ARFGEF1: variants seen among roughly 807,000 people sequenced by gnomAD.
The protein encoded by ARFGEF1 is brefeldin A-inhibited guanine nucleotide-exchange protein 1.
ARFGEF1 carries 42 observed loss-of-function variants against 231.0 expected under a neutral mutation model. The observed-to-expected ratio is 0.18, with a 90% CI of 0.14 to 0.24. The LOEUF (loss-of-function observed/expected upper bound fraction) is 0.24, where lower values mean the gene tolerates loss of function less well. ARFGEF1 is among the 10% of genes least tolerant of loss of function. The pLI, the probability that ARFGEF1 is intolerant of heterozygous loss-of-function variation, is 1.00. For missense variants in ARFGEF1, 1,345 were observed against 2,192.0 expected, an observed-to-expected ratio of 0.61 and a Z score of 7.72; for synonymous variants, 710 against 732.3, an observed-to-expected ratio of 0.97 and a Z score of 0.49.
intron 1 of ARFGEF1, among the ~76,000 whole-genome samples, chr8:67,309,861 A>C (rs1476531741): frequency 6.6e-6 from 1 of 152,204 alleles, no homozygotes; most frequent in East Asian, 1.9e-4. Context: ...TATGTTATGA[A>C]AATAAAAAAT....
intron 19 of ARFGEF1, among the ~76,000 whole-genome samples, chr8:67,240,934 G>A (rs535851317): frequency 1.3e-5 from 2 of 152,160 alleles, no homozygotes; most frequent in East Asian, 1.9e-4. Flanking sequence ...CAAAAAAGAC[G>A]CTACTTTTTG....
Position 67,220,170 on chromosome 8 carries a change from T to C in ARFGEF1, c.4209-610A>G, listed in dbSNP as rs574441710. 7.2e-5 allele frequency among the ~76,000 whole-genome samples: 11 copies of C among 152,382 alleles called. No individual in the cohort carries two copies. In the South Asian group the frequency reaches 2.3e-3, roughly 32 times the overall value. On this transcript the variant is annotated intron_variant, in intron 29 of 38. Coordinates refer to ENST00000262215, the MANE Select transcript of ARFGEF1 (RefSeq NM_006421.5). Reference sequence around the variant, plus strand: ...AATATTTGCTGAATAAATTGCTTAGTATCAGATGGACTAGCTTTTGAGTAA... The same window carrying C: ...AATATTTGCTGAATAAATTGCTTAGCATCAGATGGACTAGCTTTTGAGTAA...
chr8:67,319,074 TA>T (rs1479233224), intron 1 of ARFGEF1, among the ~76,000 whole-genome samples: 2 of 152,116 alleles, frequency 1.3e-5, no homozygotes. Context: ...GAAATGCTGA[TA>T]AAAAGATCAA....
At chr8:67,241,693 G>A (rs1202005664) in intron 19 of ARFGEF1, among the ~76,000 whole-genome samples, 1 of 151,792 alleles carries the variant, frequency 6.6e-6, no homozygotes. Flanking sequence ...CCCCCATGCA[G>A]GAACACCAAA....
chr8:67,224,626 C>T (rs951792393), intron 29 of ARFGEF1, among the ~76,000 whole-genome samples: 14 of 151,906 alleles, frequency 9.2e-5, no homozygotes, highest in African/African-American at 2.9e-4. Context: ...TATGAAAAGA[C>T]GGAATGTTTA....
At chr8:67,288,338 C>A (rs1218060807) in intron 6 of ARFGEF1, among the ~76,000 whole-genome samples, 3 of 149,696 alleles carry the variant, frequency 2.0e-5, no homozygotes, top group African/African-American at 7.7e-5. Flanking sequence ...CTTTAAGTAC[C>A]AAAACTTCAA....
intron 37 of ARFGEF1, among the ~76,000 whole-genome samples, chr8:67,201,234 C>G (rs1838316307): frequency 6.6e-6 from 1 of 152,140 alleles, no homozygotes; most frequent in African/African-American, 2.4e-5. Context: ...TATCATAGTT[C>G]ACAGTTTTAA....
chr8:67,310,162 A>T (rs1806931803), intron 1 of ARFGEF1, among the ~76,000 whole-genome samples: 2 of 151,952 alleles, frequency 1.3e-5, no homozygotes, highest in African/African-American at 2.4e-5. Context: ...TGCGGAGCCG[A>T]AGCTGGACTG....
chr8:67,331,933 AAG>A (rs1236435518), intron 1 of ARFGEF1, among the ~76,000 whole-genome samples: 3 of 152,190 alleles, frequency 2.0e-5, no homozygotes, highest in Non-Finnish European at 2.9e-5. Flanking sequence ...TCAAAATCTT[AAG>A]AGTTTATTTT....
At chr8:67,330,150 T>C (rs1020622505) in intron 1 of ARFGEF1, among the ~76,000 whole-genome samples, 1 of 152,134 alleles carries the variant, frequency 6.6e-6, no homozygotes, top group Non-Finnish European at 1.5e-5. Context: ...CCTAACATTT[T>C]CTTAGAGAAA....
chr8:67,255,261 A>G (rs1192020727), intron 17 of ARFGEF1, among the ~76,000 whole-genome samples: 1 of 152,096 alleles, frequency 6.6e-6, no homozygotes, highest in East Asian at 1.9e-4. Flanking sequence ...ACAAAATCCT[A>G]CTTTTCTTCT....
downstream of ARFGEF1, among the ~76,000 whole-genome samples, chr8:67,194,377 T>TGTA (rs1316660882): frequency 1.3e-5 from 2 of 152,236 alleles, no homozygotes; most frequent in Non-Finnish European, 2.9e-5. Context: ...ACTCATATAC[T>TGTA]ATCTATCTAG....
At chr8:67,259,238 T>C (rs1840564621) in intron 15 of ARFGEF1, among the ~76,000 whole-genome samples, 1 of 152,188 alleles carries the variant, frequency 6.6e-6, no homozygotes, top group Non-Finnish European at 1.5e-5. Flanking sequence ...TCTTTCTGTT[T>C]GTTTTTGAGA....
At chr8:67,264,241 T>C (rs190613684) in intron 14 of ARFGEF1, among the ~76,000 whole-genome samples, 3 of 152,166 alleles carry the variant, frequency 2.0e-5, no homozygotes, top group Admixed American at 2.0e-4. Context: ...TTATACTAGT[T>C]GAGGAAATAA....
intron 1 of ARFGEF1, among the ~76,000 whole-genome samples, chr8:67,307,380 TG>T (rs1434207448): frequency 6.6e-6 from 1 of 152,206 alleles, no homozygotes; most frequent in Non-Finnish European, 1.5e-5. Flanking sequence ...AGTATTTCTG[TG>T]ATCTGTCTCA....
chr8:67,292,389 AACAC>A (rs1044125064), intron 5 of ARFGEF1, among the ~76,000 whole-genome samples: 8 of 152,146 alleles, frequency 5.3e-5, no homozygotes, highest in Admixed American at 2.0e-4. Flanking sequence ...GTGTGGATGA[AACAC>A]ACGCACACAC....
chr8:67,212,294 G>A (rs1013550339), intron 33 of ARFGEF1, among the ~76,000 whole-genome samples: 1 of 152,138 alleles, frequency 6.6e-6, no homozygotes, highest in African/African-American at 2.4e-5. Context: ...TGTTGGTCAT[G>A]CTGGTCTCCA....
At chr8:67,234,826 T>C (rs1839664746) in intron 22 of ARFGEF1, among the ~76,000 whole-genome samples, 1 of 152,040 alleles carries the variant, frequency 6.6e-6, no homozygotes, top group Non-Finnish European at 1.5e-5. Context: ...ACTAAAAGTC[T>C]ACTGCTATAA....
At chr8:67,182,527 A>G (rs1265112651) in intron 5 of ARFGEF1, among the ~76,000 whole-genome samples, 1 of 152,216 alleles carries the variant, frequency 6.6e-6, no homozygotes, top group Non-Finnish European at 1.5e-5. Context: ...TAGATCATAT[A>G]GTAATTCTAT....
Sources: gnomAD v4.1 joint callset for allele counts (sites outside exome capture counted in the v4.1 genomes callset) on GRCh38, gnomAD v4.1.1 for gene constraint, MANE v1.5 for transcripts, NCBI Gene and HGNC (gene_info 2026-07-23, HGNC 2026-07-21) for gene names.